Variants in CCDC170 observed in about 807,000 individuals in gnomAD.
CCDC170 encodes coiled-coil domain containing 170.
In CCDC170, 69 loss-of-function variants were observed where a neutral mutation model predicts 72.6. That is an observed-to-expected ratio of 0.95 (90% CI 0.78 to 1.16). The LOEUF (loss-of-function observed/expected upper bound fraction) is 1.16. CCDC170 is among the 50% of genes most tolerant of loss of function. CCDC170 has a pLI of 0.00. For missense variants in CCDC170, 852 were observed against 832.5 expected, an observed-to-expected ratio of 1.02 and a Z score of -0.29; for synonymous variants, 300 against 303.9, an observed-to-expected ratio of 0.99 and a Z score of 0.13.
At chr6:151,614,696 C>T (rs1009303840) in intron 9 of CCDC170, among the ~76,000 whole-genome samples, 4 of 151,596 alleles carry the variant, frequency 2.6e-5, no homozygotes, top group Non-Finnish European at 5.9e-5. Flanking sequence ...TCTCGAACTC[C>T]TGACCTCAGG....
At chr6:151,596,031 G>A (rs1776616016) in intron 8 of CCDC170, among the ~76,000 whole-genome samples, 1 of 152,130 alleles carries the variant, frequency 6.6e-6, no homozygotes, top group South Asian at 2.1e-4. Flanking sequence ...CATCTGAGGA[G>A]TTTTTTAAAA....
chr6:151,507,338 T>C (rs766522669), intron 1 of CCDC170, among the ~76,000 whole-genome samples: 24 of 152,072 alleles, frequency 1.6e-4, no homozygotes, highest in Admixed American at 3.3e-4. Context: ...AGCTTTGAAG[T>C]TGAAAAAATT....
In CCDC170 at chr6:151,571,434, T is replaced by A. The variant is rs1482749658; in HGVS notation, c.775-1740T>A. Among the ~76,000 whole-genome samples, 4 of 152,132 alleles carry A rather than the reference T, an allele frequency of 2.6e-5. No individual in the cohort carries two copies. The East Asian group carries it at 7.7e-4, about 29-fold the overall frequency. On this transcript the variant is annotated intron_variant, in intron 5 of 10. Coordinates refer to ENST00000239374, the MANE Select transcript of CCDC170 (RefSeq NM_025059.4). ...TATTTTGGAACTTGATGTTAAAAAATAATTTTAAAAATCAATTTTAAAGAT... is the reference window on the plus strand; with the variant it reads ...TATTTTGGAACTTGATGTTAAAAAAAAATTTTAAAAATCAATTTTAAAGAT...
At chr6:151,549,150 C>A (rs926029774) in intron 5 of CCDC170, among the ~76,000 whole-genome samples, 10 of 152,002 alleles carry the variant, frequency 6.6e-5, no homozygotes, top group Non-Finnish European at 1.0e-4. Context: ...CGTGATCTGC[C>A]CGCCTCAGCC....
chr6:151,498,253 G>A (rs1328545960), intron 1 of CCDC170, among the ~76,000 whole-genome samples: 1 of 150,464 alleles, frequency 6.6e-6, no homozygotes, highest in Admixed American at 6.6e-5. Context: ...GAATTGTTAT[G>A]AGAAGCAAAT....
At chr6:151,583,136 G>A (rs1776402072) in intron 6 of CCDC170, among the ~76,000 whole-genome samples, 3 of 151,668 alleles carry the variant, frequency 2.0e-5, no homozygotes, top group South Asian at 2.1e-4. Flanking sequence ...GGGACTACAG[G>A]CGCCTGCCAC....
At chr6:151,581,236 A>G (rs972366087) in intron 6 of CCDC170, among the ~76,000 whole-genome samples, 1 of 152,228 alleles carries the variant, frequency 6.6e-6, no homozygotes, top group African/African-American at 2.4e-5. Flanking sequence ...CTTTACCAAC[A>G]GCAGAACTTC....
intron 1 of CCDC170, among the ~76,000 whole-genome samples, chr6:151,496,495 T>C (rs1297503930): frequency 6.6e-6 from 1 of 152,228 alleles, no homozygotes; most frequent in East Asian, 1.9e-4. Context: ...GTTTGCAAAA[T>C]ACTTTATCTG....
At chr6:151,603,920 C>T (rs188434715) in intron 9 of CCDC170, among the ~76,000 whole-genome samples, 121 of 152,222 alleles carry the variant, frequency 7.9e-4, no homozygotes, top group South Asian at 2.1e-4. Flanking sequence ...TAAGTGAAGT[C>T]GGTCTGAGAA....
At chr6:151,571,209 A>G (rs1214702780) in intron 5 of CCDC170, among the ~76,000 whole-genome samples, 1 of 152,208 alleles carries the variant, frequency 6.6e-6, no homozygotes, top group East Asian at 1.9e-4. Context: ...AGGTGACTGC[A>G]TTTTAACTGG....
At chr6:151,515,407 C>T (rs1355558678) in intron 1 of CCDC170, among the ~76,000 whole-genome samples, 1 of 152,198 alleles carries the variant, frequency 6.6e-6, no homozygotes, top group Non-Finnish European at 1.5e-5. Flanking sequence ...CTCAGCCTCC[C>T]AAGTAACTGG....
chr6:151,522,036 T>C (rs963945781), intron 1 of CCDC170, among the ~76,000 whole-genome samples: 6 of 151,230 alleles, frequency 4.0e-5, no homozygotes, highest in Non-Finnish European at 8.8e-5. Context: ...GGCATGTGCC[T>C]GTCATCCCAG....
rs35947074 is a variant in CCDC170 at position 151,582,986 on chromosome 6, C to CTTTTT, written c.1093-2883_1093-2879dup. The stretch of plus-strand genomic sequence containing the variant: ...TATCAGTGTGTTTACTGGAGTAGCA[C>CTTTTT]TTTTTTTTTTTTTTTTTTTTTTTTG... On this transcript the variant is annotated intron_variant, in intron 6 of 10. Transcript: ENST00000239374. 4.8e-4 allele frequency among the ~76,000 whole-genome samples: 45 copies of CTTTTT among 94,228 alleles called. 1 individual carries two copies. Among genetic ancestry groups the CTTTTT allele is most frequent in the African/African-American group, 8.7e-4 (18 of 20,580 alleles). 61.8% of individuals were successfully genotyped at this position (94,228 alleles called of 152,430 possible). A position where few individuals can be genotyped will look rare whatever the true frequency, so the allele number is the denominator to read the frequency against.
chr6:151,616,463 A>G (rs1201051320), intron 10 of CCDC170, among the ~76,000 whole-genome samples: 3 of 150,464 alleles, frequency 2.0e-5, no homozygotes, highest in Non-Finnish European at 3.0e-5. Flanking sequence ...TGATCCTAGG[A>G]TTTTTTTTTC....
intron 1 of CCDC170, among the ~76,000 whole-genome samples, chr6:151,511,559 T>G (rs562995867): frequency 5.5e-4 from 84 of 152,320 alleles, no homozygotes; most frequent in African/African-American, 1.9e-3. Flanking sequence ...TATAATTGAT[T>G]TCTAGCTTCT....
chr6:151,528,938 T>C (rs17081379), intron 1 of CCDC170, among the ~76,000 whole-genome samples: 5,254 of 152,192 alleles, frequency 0.035, 197 homozygotes, highest in East Asian at 0.22. Context: ...CCAGTGTTTT[T>C]CTTTTCTTTA....
At chr6:151,593,946 G>T (rs767631400) in intron 8 of CCDC170, among the ~76,000 whole-genome samples, 1 of 152,126 alleles carries the variant, frequency 6.6e-6, no homozygotes, top group Non-Finnish European at 1.5e-5. Flanking sequence ...CTATTACTTT[G>T]GGAGAAGAGG....
At chr6:151,581,275 C>A (rs567676978) in intron 6 of CCDC170, among the ~76,000 whole-genome samples, 194 of 152,312 alleles carry the variant, frequency 1.3e-3, no homozygotes, top group Non-Finnish European at 2.2e-3. Flanking sequence ...TCCTCTCAAA[C>A]CTTGCTGCTT....
rs537025858 is a variant in CCDC170, at chr6:151,618,629, C to T, written c.*482C>T. 74 of 146,136 alleles carry T rather than the reference C, an allele frequency of 5.1e-4. No homozygotes were observed. Among genetic ancestry groups the T allele is most frequent in the Admixed American group, 3.6e-3 (60 of 16,816 alleles). 9.1% of individuals were successfully genotyped at this position (146,136 alleles called of 1,614,324 possible). On this transcript the variant is annotated 3_prime_UTR_variant, in exon 11 of 11. Coordinates refer to ENST00000239374, the MANE Select transcript of CCDC170 (RefSeq NM_025059.4). ...TGCCTCAAAAGCCATACCTCTTCTC[C>T]TGCTATGCAGAATCTGTTTCTCCTG...
Sources: allele counts gnomAD v4.1 joint callset (sites outside exome capture counted in the v4.1 genomes callset), GRCh38; gene constraint gnomAD v4.1.1; transcripts MANE v1.5; gene names NCBI Gene and HGNC (gene_info 2026-07-23, HGNC 2026-07-21).